Variants in HPS3 observed in about 807,000 individuals in gnomAD.
HPS3 encodes BLOC-2 complex member HPS3.
HPS3 carries 79 observed loss-of-function variants against 110.9 expected under a neutral mutation model. That is an observed-to-expected ratio of 0.71 (90% CI 0.59 to 0.86). The LOEUF (loss-of-function observed/expected upper bound fraction) is 0.86, where lower values mean the gene tolerates loss of function less well. Ranked by LOEUF, HPS3 falls within the 40% of genes least tolerant of loss-of-function variation. HPS3 has a pLI of 0.00. For missense variants in HPS3, 1,197 were observed against 1,206.2 expected (o/e 0.99, Z 0.11); for synonymous variants, 428 against 451.0 (o/e 0.95, Z 0.65).
At chr3:149,164,278 A>G (rs1724193542) in intron 14 of HPS3, among the ~76,000 whole-genome samples, 1 of 152,128 alleles carries the variant, frequency 6.6e-6, no homozygotes, top group Non-Finnish European at 1.5e-5. Context: ...TGGTGTTTTT[A>G]TTGATGTAGT....
intron 4 of HPS3, among the ~76,000 whole-genome samples, chr3:149,142,897 T>G (rs540410340): frequency 6.6e-6 from 1 of 152,262 alleles, no homozygotes; most frequent in Non-Finnish European, 1.5e-5. Context: ...CAGGGAAGGC[T>G]TCCTGAGAAA....
At position 149,129,855 on chromosome 3, in the gene HPS3, C is replaced by A. The variant is rs779631326; in HGVS notation, c.132C>A (p.Phe44Leu). The change falls in exon 1 of 17, where the codon TTC (phenylalanine) becomes TTA (leucine). Residue 44 changes from phenylalanine (F) to leucine (L), a missense_variant. By Grantham distance (22) the Phe-to-Leu change is conservative. Coordinates refer to ENST00000296051, the MANE Select transcript of HPS3 (RefSeq NM_032383.5). The stretch of plus-strand genomic sequence containing the variant: ...CGGCGGGCTGCAAGGTGGAGGCGTT[C>A]GCGGTGGCCGGCCAGGAGCTGTGCC... ...FVAAGCKVEA[F>L]AVAGQELCQP... 1.6e-4 allele frequency: 262 copies of A among 1,600,514 alleles called. No homozygotes were observed. The highest frequency in any genetic ancestry group is 3.5e-4 in the Admixed American group (21 of 59,476).
chr3:149,135,853 C>T (rs1722060494), intron 1 of HPS3, among the ~76,000 whole-genome samples: 1 of 151,990 alleles, frequency 6.6e-6, no homozygotes, highest in African/African-American at 2.4e-5. Flanking sequence ...CTAAACCAGC[C>T]CCAGCCCATC....
At chr3:149,149,316 T>C (rs1323906465) in intron 5 of HPS3, among the ~76,000 whole-genome samples, 1 of 152,130 alleles carries the variant, frequency 6.6e-6, no homozygotes, top group Non-Finnish European at 1.5e-5. Flanking sequence ...TTTGCGGTCA[T>C]AGCTATTCTC....
Position 149,129,859 on chromosome 3 carries a change from G to A in HPS3, c.136G>A (p.Val46Met), listed in dbSNP as rs34757609. 1 of 1,600,360 alleles carries A rather than the reference G, an allele frequency of 6.2e-7. No individual in the cohort carries two copies. The highest frequency in any genetic ancestry group is 1.3e-5 in the African/African-American group (1 of 74,910). The change falls in exon 1 of 17, where the codon GTG becomes ATG. Residue 46 changes from valine to methionine, a missense_variant. Val to Met is a conservative substitution (Grantham distance 21). Coordinates refer to ENST00000296051, the MANE Select transcript of HPS3 (RefSeq NM_032383.5). ...AAGCKVEAFAVAGQELCQPRC... is the reference protein window; with the variant it reads ...AAGCKVEAFAMAGQELCQPRC... The stretch of plus-strand genomic sequence containing the variant: ...GGGCTGCAAGGTGGAGGCGTTCGCG[G>A]TGGCCGGCCAGGAGCTGTGCCAGCC...
At chr3:149,165,699 G>C (rs1162975056) in intron 14 of HPS3, among the ~76,000 whole-genome samples, 4 of 152,118 alleles carry the variant, frequency 2.6e-5, no homozygotes, top group African/African-American at 4.8e-5. Flanking sequence ...ATGGGTAGTT[G>C]AAGTTATGAC....
At position 149,140,333 on chromosome 3, in the gene HPS3, A is replaced by G; in HGVS notation, c.547A>G (p.Ile183Val). Residue 183 changes from isoleucine (I) to valine (V), a missense_variant, in exon 2 of 17, where the codon ATA becomes GTA. Ile to Val is a conservative substitution (Grantham distance 29). Coordinates refer to ENST00000296051, the MANE Select transcript of HPS3 (RefSeq NM_032383.5). ...CTTTGAACGTTCTTTAATTATACACATAGATAATATCACTCCTGTTGAGGT... is the reference window on the plus strand; with the variant it reads ...CTTTGAACGTTCTTTAATTATACACGTAGATAATATCACTCCTGTTGAGGT... ...LDFERSLIIHIDNITPVEVSF... is the reference protein window; with the variant it reads ...LDFERSLIIHVDNITPVEVSF... 19 of 1,613,528 alleles carry G rather than the reference A, an allele frequency of 1.2e-5. No individual in the cohort carries two copies. The highest frequency in any genetic ancestry group is 1.6e-5 in the Non-Finnish European group (19 of 1,179,510).
At chr3:149,142,902 GAGAA>G (rs1215328227) in intron 4 of HPS3, among the ~76,000 whole-genome samples, 1 of 152,180 alleles carries the variant, frequency 6.6e-6, no homozygotes, top group Non-Finnish European at 1.5e-5. Context: ...AAGGCTTCCT[GAGAA>G]AGAGGATCTG....
At chr3:149,165,960 C>T (rs1268458774) in intron 14 of HPS3, 1 of 454,012 alleles carries the variant, frequency 2.2e-6, no homozygotes, top group Non-Finnish European at 4.4e-6. Flanking sequence ...TTCTCCTGGT[C>T]ATTCCTTGGT....
At position 149,153,558 on chromosome 3, in the gene HPS3, C is replaced by A. The variant is rs1303276008; in HGVS notation, c.1310C>A (p.Ala437Asp). ...LRIQLFIGLKAICHFKNHIIL... is the reference protein window; with the variant it reads ...LRIQLFIGLKDICHFKNHIIL... ...ATACAGCTTTTCATAGGCTTGAAAG[C>A]CATCTGTCACTTTAAAAACCACATC... Residue 437 changes from alanine (A) to aspartate (D), a missense_variant, in exon 7 of 17, where the codon GCC becomes GAC. Coordinates refer to ENST00000296051, the MANE Select transcript of HPS3 (RefSeq NM_032383.5). 6.2e-7 allele frequency: 1 copy of A among 1,613,892 alleles called. No homozygotes were observed. Among genetic ancestry groups the A allele is most frequent in the South Asian group, 1.1e-5 (1 of 91,082 alleles).
rs994892587 is a variant in HPS3 at position 149,140,098 on chromosome 3, G to A, written c.312G>A (p.Val104=). 6.2e-7 allele frequency: 1 copy of A among 1,613,316 alleles called. No individual in the cohort carries two copies. Among genetic ancestry groups the A allele is most frequent in the Non-Finnish European group, 8.5e-7 (1 of 1,179,666 alleles). The change falls in exon 2 of 17, where the codon GTG becomes GTA. Residue 104 remains valine (V), a synonymous_variant. Coordinates refer to ENST00000296051, the MANE Select transcript of HPS3 (RefSeq NM_032383.5). ...ATAAAAGGACTGAAAACTCTCGTGT[G>A]TGTATCCGAATGATTGGGCATAATG... is the stretch of plus-strand genomic sequence containing the variant. The part of the protein sequence containing the change: ...WRNKRTENSR[V]CIRMIGHNVE...
At chr3:149,162,445 A>G (rs888249678) in intron 12 of HPS3, 112 bp downstream of exon 12, 2 of 973,658 alleles carry the variant, frequency 2.1e-6, no homozygotes, top group Admixed American at 4.2e-5. Flanking sequence ...GAAAAAACAG[A>G]CATACATAAT....
chr3:149,165,216 C>T (rs1724297535), intron 14 of HPS3, among the ~76,000 whole-genome samples: 2 of 152,116 alleles, frequency 1.3e-5, no homozygotes, highest in Admixed American at 1.3e-4. Context: ...TTGGACAAGA[C>T]AGATGGAGCT....
chr3:149,167,602 C>G (rs534543428), intron 15 of HPS3, among the ~76,000 whole-genome samples: 1 of 152,136 alleles, frequency 6.6e-6, no homozygotes, highest in East Asian at 1.9e-4. Context: ...TTCCTTCCTT[C>G]TTGCCACATA....
intron 4 of HPS3, among the ~76,000 whole-genome samples, chr3:149,142,061 G>A (rs550863766): frequency 9.2e-5 from 14 of 152,004 alleles, no homozygotes; most frequent in African/African-American, 3.1e-4. Context: ...TGTTGGTCAG[G>A]CTGGTCTCGA....
intron 5 of HPS3, among the ~76,000 whole-genome samples, chr3:149,148,594 G>A (rs2948902): frequency 0.21 from 32,064 of 150,948 alleles, 3,625 homozygotes; most frequent in South Asian, 0.3. Context: ...TAGTAGAGGC[G>A]GGGTTTCACC....
At position 149,140,477 on chromosome 3, in the gene HPS3, C is replaced by T. The variant is rs780470124; in HGVS notation, c.691C>T (p.Arg231Ter). Residue 231 changes from arginine (R) to a stop codon, truncating the protein, a stop_gained, in exon 2 of 17, where the codon CGA (arginine) becomes TGA (stop). Transcript: ENST00000296051. LOFTEE classifies it high-confidence loss of function. ...CCACCATCCACATAAGACCAACAAT[C>T]GAATAAGACGGACAGAAGAAGGTAA... The part of the protein sequence containing the change: ...VHHHPHKTNN[R>*]IRRTEEGISN... The T allele has an allele frequency of 2.5e-6, 4 of 1,613,854 alleles. No individual in the cohort carries two copies. Among genetic ancestry groups the T allele is most frequent in the South Asian group, 1.1e-5 (1 of 91,040 alleles).
In HPS3 at chr3:149,153,782, A is replaced by G. The variant is rs181209056; in HGVS notation, c.1400+134A>G. On this transcript the variant is annotated intron_variant, in intron 7 of 16. Transcript: ENST00000296051. Reference sequence around the variant, plus strand: ...CTTTTTTATGGTGGTCTTTTTCCAGAGAAAGAAAAGAAGGTTCTAACAATC... The same window carrying G: ...CTTTTTTATGGTGGTCTTTTTCCAGGGAAAGAAAAGAAGGTTCTAACAATC... 168 of 883,504 alleles carry G rather than the reference A, an allele frequency of 1.9e-4. No homozygotes were observed. The East Asian group carries it at 3.7e-3, about 19-fold the overall frequency. The allele number at this position is 883,504 out of a possible 1,614,324, so 54.7% of individuals were successfully genotyped here.
chr3:149,162,123 TC>T, intron 11 of HPS3, 24 bp from the exon 12 acceptor site: 1 of 1,594,748 alleles, frequency 6.3e-7, no homozygotes, highest in Non-Finnish European at 8.6e-7. Context: ...TACCTTTTGT[TC>T]CTAAATTTCT....
Sources: allele counts gnomAD v4.1 joint callset (sites outside exome capture counted in the v4.1 genomes callset), GRCh38; gene constraint gnomAD v4.1.1; transcripts MANE v1.5; gene names NCBI Gene and HGNC (gene_info 2026-07-23, HGNC 2026-07-21).